Variants in CWC15 observed in about 807,000 individuals in gnomAD.
CWC15 encodes CWC15 spliceosome associated protein, also known as spliceosome-associated protein CWC15 homolog.
In CWC15, 12 loss-of-function variants were observed where a neutral mutation model predicts 28.4. The observed-to-expected ratio is 0.42, with a 90% CI of 0.27 to 0.69. The LOEUF (loss-of-function observed/expected upper bound fraction) is 0.69. Among genes scored for constraint, CWC15 ranks in the 30% least tolerant of loss-of-function variants. The pLI is 0.23. For missense variants in CWC15, 192 were observed against 271.5 expected (o/e 0.71, Z 2.06); for synonymous variants, 92 against 88.4 (o/e 1.04, Z -0.23).
At chr11:94,968,115 CCTAA>C (rs782142428) in intron 5 of CWC15, among the ~76,000 whole-genome samples, 51 of 152,280 alleles carry the variant, frequency 3.3e-4, no homozygotes, top group East Asian at 7.7e-4. Context: ...TAGGTCAAAT[CCTAA>C]CTAACTGTTT....
At position 94,970,009 on chromosome 11, in the gene CWC15, CTCTT is replaced by C. The variant is rs1565414192; in HGVS notation, c.417_420del (p.Arg140LeufsTer24). ...TTTACCTTCCTGGCCTGCTCTTCAG[CTCTT>C]TCTTTTTTAATTTTTTCCAGTTCTG... On this transcript the variant is annotated frameshift_variant, in exon 5 of 7. Transcript: ENST00000279839. LOFTEE classifies it high-confidence loss of function. 2 of 1,563,092 alleles carry C rather than the reference CTCTT, an allele frequency of 1.3e-6. No homozygotes were observed. Among genetic ancestry groups the C allele is most frequent in the African/African-American group, 1.4e-5 (1 of 73,684 alleles).
In CWC15 at chr11:94,962,828, G is replaced by C. The variant is rs1034940931; in HGVS notation, c.*557C>G. On this transcript the variant is annotated 3_prime_UTR_variant, in exon 7 of 7. Coordinates refer to ENST00000279839, the MANE Select transcript of CWC15 (RefSeq NM_016403.4). ...AAAAAAAACAAGTACCTGCAGAAGT[G>C]AGCGATACCCAATGCTCTCCCAGAC... 1 of 152,228 alleles carries C rather than the reference G, an allele frequency of 6.6e-6. No homozygotes were observed. Among genetic ancestry groups the C allele is most frequent in the Non-Finnish European group, 1.5e-5 (1 of 68,118 alleles). The allele number at this position is 152,228 out of a possible 1,614,324, so 9.4% of individuals were successfully genotyped here. A position where few individuals can be genotyped will look rare whatever the true frequency, so the allele number is the denominator to read the frequency against.
In CWC15 at chr11:94,963,185, A is replaced by G. The variant is rs1282922943; in HGVS notation, c.*200T>C. On this transcript the variant is annotated 3_prime_UTR_variant, in exon 7 of 7. Transcript: ENST00000279839. ...TTCCCAGGAAAACATATCACTGGAAACATTTGGAGAATGCAAACTGGGTTA... is the reference window on the plus strand; with the variant it reads ...TTCCCAGGAAAACATATCACTGGAAGCATTTGGAGAATGCAAACTGGGTTA... 2.8e-6 allele frequency: 1 copy of G among 358,352 alleles called. No homozygotes were observed. Among genetic ancestry groups the G allele is most frequent in the African/African-American group, 2.1e-5 (1 of 47,750 alleles). The allele number at this position is 358,352 out of a possible 1,614,324, so 22.2% of individuals were successfully genotyped here. A position where few individuals can be genotyped will look rare whatever the true frequency, so the allele number is the denominator to read the frequency against.
Position 94,970,059 on chromosome 11 carries a change from T to C in CWC15, c.371A>G (p.Asp124Gly), listed in dbSNP as rs1857698281. ...DEDFEEESDDDDTAALLAELE... is the reference protein window; with the variant it reads ...DEDFEEESDDGDTAALLAELE... Reference sequence around the variant, plus strand: ...TTCTGCAAGAAGAGCTGCAGTATCATCATCATCACTTTCTTCTTCAAAATC... The same window carrying C: ...TTCTGCAAGAAGAGCTGCAGTATCACCATCATCACTTTCTTCTTCAAAATC... The change falls in exon 5 of 7, where the codon GAT (aspartate) becomes GGT (glycine). Residue 124 changes from aspartate to glycine, a missense_variant. Asp to Gly is a moderately conservative substitution (Grantham distance 94). This residue lies in a region of CWC15 where 188 missense variants were observed against 250.3 expected (regional missense o/e 0.75). Transcript: ENST00000279839. 2 of 1,567,374 alleles carry C rather than the reference T, an allele frequency of 1.3e-6. No homozygotes were observed. The highest frequency in any genetic ancestry group is 2.7e-5 in the African/African-American group (2 of 74,010).
chr11:94,969,717 G>A (rs987816487), intron 5 of CWC15, among the ~76,000 whole-genome samples: 4 of 152,042 alleles, frequency 2.6e-5, no homozygotes, highest in South Asian at 4.1e-4. Context: ...AACAGATATC[G>A]ACTAAATGTT....
chr11:94,972,374 T>C (rs1555096370), intron 1 of CWC15, among the ~76,000 whole-genome samples, 181 bp from the exon 2 acceptor site: 4 of 152,232 alleles, frequency 2.6e-5, no homozygotes, highest in South Asian at 4.1e-4. Flanking sequence ...ACAAGGAATA[T>C]GGCTTCTCAG....
intron 6 of CWC15, 36 bp from the exon 7 acceptor site, chr11:94,963,550 G>C (rs1365645044): frequency 1.9e-5 from 29 of 1,533,816 alleles, no homozygotes; most frequent in Non-Finnish European, 2.5e-5. Flanking sequence ...GTCTGAAAAT[G>C]TTTGTATCAG....
chr11:94,964,588 G>A (rs1168949183), intron 6 of CWC15, among the ~76,000 whole-genome samples: 1 of 152,010 alleles, frequency 6.6e-6, no homozygotes, highest in Non-Finnish European at 1.5e-5. Flanking sequence ...CAGGCTTTTT[G>A]TCCCTCCTTC....
chr11:94,970,179 T>C, intron 4 of CWC15, 83 bp from the exon 5 acceptor site: 1 of 556,626 alleles, frequency 1.8e-6, no homozygotes, highest in Non-Finnish European at 2.9e-6. Context: ...CGTATCACCC[T>C]AAGAAAGTCA....
intron 1 of CWC15, 30 bp from the exon 2 acceptor site, chr11:94,972,223 C>A (rs782742692): frequency 2.4e-5 from 38 of 1,598,990 alleles, no homozygotes; most frequent in Non-Finnish European, 3.2e-5. Context: ...CAAGTTATTT[C>A]CAACATTACA....
chr11:94,970,262 A>G (rs1857701239), intron 4 of CWC15, 166 bp from the exon 5 acceptor site: 4 of 413,500 alleles, frequency 9.7e-6, no homozygotes, highest in African/African-American at 2.1e-5. Context: ...AAAGTGTGCT[A>G]AATTCTCAGA....
intron 5 of CWC15, among the ~76,000 whole-genome samples, chr11:94,969,361 C>CATT (rs1443213718): frequency 1.3e-5 from 2 of 152,272 alleles, no homozygotes; most frequent in African/African-American, 4.8e-5. Flanking sequence ...CAATCTCCTG[C>CATT]TGAAATCAAC....
chr11:94,971,808 A>G (rs1857725619), intron 2 of CWC15, among the ~76,000 whole-genome samples: 1 of 152,236 alleles, frequency 6.6e-6, no homozygotes, highest in Non-Finnish European at 1.5e-5. Flanking sequence ...ACTGGTGCTC[A>G]TAGTGCATAC....
In CWC15 at chr11:94,963,534, CAG is replaced by C; in HGVS notation, c.561-22_561-21del. On this transcript the variant is annotated intron_variant, in intron 6 of 6. Transcript: ENST00000279839. ...TCCCACCTGAGGAAAAAAAAGCAAA[CAG>C]AACGTCTGAAAATGTTTGTATCAGG... The C allele has an allele frequency of 6.5e-7, 1 of 1,547,026 alleles. No homozygotes were observed.
chr11:94,964,203 A>G (rs1178571577), intron 6 of CWC15, among the ~76,000 whole-genome samples: 1 of 152,232 alleles, frequency 6.6e-6, no homozygotes, highest in African/African-American at 2.4e-5. Flanking sequence ...AATATCACCT[A>G]GCATATAAAA....
At position 94,970,015 on chromosome 11, in the gene CWC15, CTTT is replaced by C; in HGVS notation, c.412_414del (p.Lys138del). The C allele has an allele frequency of 6.4e-7, 1 of 1,567,922 alleles. No homozygotes were observed. The highest frequency in any genetic ancestry group is 8.7e-7 in the Non-Finnish European group (1 of 1,155,948). ...TTCCTGGCCTGCTCTTCAGCTCTTT[CTTT>C]TTTAATTTTTTCCAGTTCTGCAAGA... On this transcript the variant is annotated inframe_deletion, in exon 5 of 7. Coordinates refer to ENST00000279839, the MANE Select transcript of CWC15 (RefSeq NM_016403.4).
In CWC15 at chr11:94,971,500, C is replaced by A. The variant is rs1555096240; in HGVS notation, c.132-13G>T. 2.0e-6 allele frequency: 3 copies of A among 1,518,778 alleles called. No individual in the cohort carries two copies. The South Asian group carries it at 3.5e-5, about 18-fold the overall frequency. The allele number at this position is 1,518,778 out of a possible 1,614,324, so 94.1% of individuals were successfully genotyped here. On this transcript the variant is annotated splice_polypyrimidine_tract_variant and intron_variant, in intron 2 of 6. Transcript: ENST00000279839. ...CTGAGTAGTCTGTCTAAAGTAGAAA[C>A]AAACCAGGGCAAAAATGTTACTTAA...
Position 94,964,362 on chromosome 11 carries a change from G to A in CWC15, c.561-848C>T, listed in dbSNP as rs1362509871. Among the ~76,000 whole-genome samples the A allele has an allele frequency of 2.6e-5, 4 of 152,114 alleles. No individual in the cohort carries two copies. The East Asian group carries it at 5.8e-4, about 22-fold the overall frequency. ...GGAAAGTGCACAATGAGCAACAAAC[G>A]TGGGCACCTTTGGAAAACAGTGCAG... On this transcript the variant is annotated intron_variant, in intron 6 of 6. Coordinates refer to ENST00000279839, the MANE Select transcript of CWC15 (RefSeq NM_016403.4).
intron 2 of CWC15, 78 bp from the exon 3 acceptor site, chr11:94,971,565 G>A (rs1565414769): frequency 2.6e-6 from 2 of 783,924 alleles, no homozygotes; most frequent in South Asian, 1.9e-5. Flanking sequence ...AGTAATGGAA[G>A]ACAATTCAGG....
Sources: allele counts gnomAD v4.1 joint callset (sites outside exome capture counted in the v4.1 genomes callset), GRCh38; gene constraint gnomAD v4.1.1; regional missense constraint gnomAD v4.1.1; transcripts MANE v1.5; gene names NCBI Gene and HGNC (gene_info 2026-07-23, HGNC 2026-07-21).